Variants in GUCY1A2 observed in about 807,000 individuals in gnomAD.
GUCY1A2 encodes the protein guanylate cyclase 1 soluble subunit alpha 2.
Under a neutral mutation model 63.5 loss-of-function variants are expected in GUCY1A2, and 27 were observed. The observed-to-expected ratio is 0.43, with a 90% confidence interval of 0.31 to 0.59. The LOEUF is 0.59. GUCY1A2 is among the 20% of genes least tolerant of loss of function. The probability of loss-of-function intolerance (pLI) is 0.11; values close to 1 mark genes in which losing one functional copy is unlikely to be tolerated. For synonymous variants in GUCY1A2, 364 were observed against 343.5 expected, an observed-to-expected ratio of 1.06 and a Z score of -0.66; for missense variants, 768 against 913.3, an observed-to-expected ratio of 0.84 and a Z score of 2.05.
At chr11:106,709,840 AAT>A (rs1327593345) in intron 6 of GUCY1A2, among the ~76,000 whole-genome samples, 1 of 132,226 alleles carries the variant, frequency 7.6e-6, no homozygotes, top group Non-Finnish European at 1.6e-5. Context: ...ACACGTATAG[AAT>A]ATATAGTTAT....
intron 3 of GUCY1A2, among the ~76,000 whole-genome samples, chr11:106,977,859 A>G (rs181780203): frequency 7.6e-4 from 116 of 152,318 alleles, no homozygotes; most frequent in African/African-American, 2.7e-3. Flanking sequence ...TAAAGAAAAA[A>G]GAATTCCAAA....
At chr11:106,815,558 G>A (rs1271020684) in intron 4 of GUCY1A2, among the ~76,000 whole-genome samples, 1 of 150,434 alleles carries the variant, frequency 6.6e-6, no homozygotes, top group Non-Finnish European at 1.5e-5. Context: ...TAAACAGAAA[G>A]AAAAAGATAA....
intron 7 of GUCY1A2, among the ~76,000 whole-genome samples, chr11:106,699,657 T>A (rs1862782826): frequency 6.6e-6 from 1 of 152,182 alleles, no homozygotes; most frequent in African/African-American, 2.4e-5. Context: ...TCATACTAGT[T>A]AGGAATGGGA....
intron 7 of GUCY1A2, among the ~76,000 whole-genome samples, chr11:106,688,776 G>A (rs1862571967): frequency 6.6e-6 from 1 of 152,138 alleles, no homozygotes; most frequent in South Asian, 2.1e-4. Flanking sequence ...AGCTTTCATG[G>A]ACTAGATGTT....
intron 4 of GUCY1A2, among the ~76,000 whole-genome samples, chr11:106,933,763 A>G (rs1860637910): frequency 6.6e-6 from 1 of 152,228 alleles, no homozygotes; most frequent in Non-Finnish European, 1.5e-5. Flanking sequence ...TTGTGCAACC[A>G]TTAAAAAGAA....
intron 5 of GUCY1A2, 101 bp from the exon 6 acceptor site, chr11:106,776,683 C>A: frequency 9.2e-7 from 1 of 1,089,704 alleles, no homozygotes; most frequent in Non-Finnish European, 1.3e-6. Flanking sequence ...AACATGTCGG[C>A]AAAACATCAA....
intron 1 of GUCY1A2, among the ~76,000 whole-genome samples, chr11:106,987,915 T>C (rs898667706): frequency 6.6e-6 from 1 of 152,302 alleles, no homozygotes; most frequent in Non-Finnish European, 1.5e-5. Flanking sequence ...AGGCCTCAGA[T>C]ACCTACTGCA....
At chr11:106,742,037 C>T (rs142165334) in intron 6 of GUCY1A2, among the ~76,000 whole-genome samples, 1 of 152,304 alleles carries the variant, frequency 6.6e-6, no homozygotes, top group Non-Finnish European at 1.5e-5. Context: ...CCCCACTATA[C>T]CTACTTAGTA....
chr11:106,688,171 T>A (rs1193144956), intron 7 of GUCY1A2, among the ~76,000 whole-genome samples: 1 of 152,196 alleles, frequency 6.6e-6, no homozygotes, highest in Non-Finnish European at 1.5e-5. Context: ...TGCACTCCTT[T>A]TATGTTTGGT....
intron 4 of GUCY1A2, among the ~76,000 whole-genome samples, chr11:106,830,698 T>C (rs1171371606): frequency 1.3e-5 from 2 of 152,242 alleles, no homozygotes; most frequent in East Asian, 1.9e-4. Context: ...GATGTCCTAA[T>C]GTGGAACCTC....
intron 5 of GUCY1A2, among the ~76,000 whole-genome samples, chr11:106,796,725 A>G (rs1453021942): frequency 1.3e-5 from 2 of 151,912 alleles, no homozygotes; most frequent in Admixed American, 6.6e-5. Context: ...CTTCATTTCA[A>G]CTTTGGTGAA....
intron 7 of GUCY1A2, among the ~76,000 whole-genome samples, chr11:106,706,999 A>G (rs995551677): frequency 1.3e-5 from 2 of 152,140 alleles, no homozygotes; most frequent in African/African-American, 4.8e-5. Context: ...GTTCTTAGAT[A>G]AGTAATGATT....
intron 5 of GUCY1A2, among the ~76,000 whole-genome samples, chr11:106,805,696 T>C (rs1858674085): frequency 6.6e-6 from 1 of 152,132 alleles, no homozygotes; most frequent in Non-Finnish European, 1.5e-5. Context: ...CCACTTTCCA[T>C]AGGAGGAATG....
intron 4 of GUCY1A2, among the ~76,000 whole-genome samples, chr11:106,817,497 ATCAATGAGAT>A (rs1858847351): frequency 6.6e-6 from 1 of 152,164 alleles, no homozygotes; most frequent in Non-Finnish European, 1.5e-5. Context: ...ATGAGAATAG[ATCAATGAGAT>A]TCTATCAAAT....
chr11:106,997,039 T>C (rs1031985486), intron 1 of GUCY1A2, among the ~76,000 whole-genome samples: 2 of 152,342 alleles, frequency 1.3e-5, no homozygotes, highest in African/African-American at 4.8e-5. Context: ...AGATTAATAC[T>C]GCATAACATA....
intron 1 of GUCY1A2, among the ~76,000 whole-genome samples, chr11:107,014,314 C>CT (rs773397592): frequency 3.3e-5 from 5 of 152,182 alleles, no homozygotes; most frequent in Non-Finnish European, 7.4e-5. Context: ...GTCTCAATCT[C>CT]TTGACCTAGT....
At chr11:106,995,063 G>C (rs1861517736) in intron 1 of GUCY1A2, among the ~76,000 whole-genome samples, 1 of 152,144 alleles carries the variant, frequency 6.6e-6, no homozygotes, top group African/African-American at 2.4e-5. Context: ...AATGGATCAT[G>C]GTATAGCAAA....
rs916913830 is a variant in GUCY1A2, at chr11:106,680,639, G to T, written c.*6910C>A. ...AAACCATTCTTACTAAGGATTTAAGGATCCAGTGATATACAAGAGGATAAT... is the reference window on the plus strand; with the variant it reads ...AAACCATTCTTACTAAGGATTTAAGTATCCAGTGATATACAAGAGGATAAT... On this transcript the variant is annotated 3_prime_UTR_variant, in exon 8 of 8. Transcript: ENST00000526355. 2.0e-5 allele frequency: 4 copies of T among 198,806 alleles called. No individual in the cohort carries two copies. Among genetic ancestry groups the T allele is most frequent in the Non-Finnish European group, 3.1e-5 (3 of 96,302 alleles). 12.3% of individuals were successfully genotyped at this position (198,806 alleles called of 1,614,324 possible).
intron 4 of GUCY1A2, among the ~76,000 whole-genome samples, chr11:106,895,137 A>G (rs1860028985): frequency 6.6e-6 from 1 of 152,216 alleles, no homozygotes; most frequent in African/African-American, 2.4e-5. Context: ...AAATTTGATA[A>G]CCTAGATAAA....
Sources: allele counts gnomAD v4.1 joint callset (sites outside exome capture counted in the v4.1 genomes callset), GRCh38; gene constraint gnomAD v4.1.1; transcripts MANE v1.5; gene names NCBI Gene and HGNC (gene_info 2026-07-23, HGNC 2026-07-21).